NSL1: variants seen among roughly 807,000 people sequenced by gnomAD.
The protein encoded by NSL1 is NSL1 component of MIS12 kinetochore complex.
In NSL1, 11 loss-of-function variants were observed where a neutral mutation model predicts 25.4. The ratio of observed to expected loss-of-function variants is 0.43; its 90% CI spans 0.27 to 0.72. NSL1 has a LOEUF of 0.72. Among genes scored for constraint, NSL1 ranks in the 30% least tolerant of loss-of-function variants. The pLI is 0.19. For synonymous variants in NSL1, 118 were observed against 120.6 expected (o/e 0.98, Z 0.14); for missense variants, 330 against 342.7 (o/e 0.96, Z 0.29).
chr1:212,740,058 T>C (rs1289464889), intron 4 of NSL1, among the ~76,000 whole-genome samples: 1 of 152,204 alleles, frequency 6.6e-6, no homozygotes, highest in Non-Finnish European at 1.5e-5. Flanking sequence ...TACTTTCTCT[T>C]TCCTTACTTC....
Position 212,726,408 on chromosome 1 carries a change from C to T in NSL1, c.*12000G>A, listed in dbSNP as rs1213484753. 6.6e-6 allele frequency: 1 copy of T among 152,266 alleles called. No individual in the cohort carries two copies. Among genetic ancestry groups the T allele is most frequent in the Admixed American group, 6.5e-5 (1 of 15,282 alleles). The allele number at this position is 152,266 out of a possible 1,614,324, so 9.4% of individuals were successfully genotyped here. On this transcript the variant is annotated 3_prime_UTR_variant, in exon 6 of 6. Transcript: ENST00000366977. Reference sequence around the variant, plus strand: ...TTCAAACAGTTTTTGGGAGGTAACACTGTCCCTATGGGAAGACTTGGTATT... The same window carrying T: ...TTCAAACAGTTTTTGGGAGGTAACATTGTCCCTATGGGAAGACTTGGTATT...
chr1:212,790,722 A>G (rs1661177366), intron 1 of NSL1, among the ~76,000 whole-genome samples: 1 of 152,060 alleles, frequency 6.6e-6, no homozygotes, highest in Non-Finnish European at 1.5e-5. Context: ...GGAGATCGAG[A>G]CCATGCTGGC....
rs368687502 is a variant in NSL1 at position 212,730,732 on chromosome 1, C to A, written c.*7676G>T. ...GTCCTGCAGGGATATGGGAATTAGA[C>A]TTAGTTCTAGTAGACGTAGTTCTAG... On this transcript the variant is annotated 3_prime_UTR_variant, in exon 6 of 6. Coordinates refer to ENST00000366977, the MANE Select transcript of NSL1 (RefSeq NM_015471.4). 1.0e-6 allele frequency: 1 copy of A among 985,404 alleles called. No homozygotes were observed. The highest frequency in any genetic ancestry group is 6.1e-5 in the Admixed American group (1 of 16,280). 61.0% of individuals were successfully genotyped at this position (985,404 alleles called of 1,614,324 possible). A position where few individuals can be genotyped will look rare whatever the true frequency, so the allele number is the denominator to read the frequency against.
At chr1:212,778,997 C>T (rs1336446763) in intron 4 of NSL1, among the ~76,000 whole-genome samples, 1 of 145,312 alleles carries the variant, frequency 6.9e-6, no homozygotes, top group Non-Finnish European at 1.5e-5. Flanking sequence ...AAGTGAGGAG[C>T]GTCTCTGCCC....
intron 2 of NSL1, among the ~76,000 whole-genome samples, chr1:212,784,957 G>A (rs1003030832): frequency 3.9e-5 from 6 of 152,216 alleles, no homozygotes; most frequent in African/African-American, 1.2e-4. Flanking sequence ...GGAATAGGGA[G>A]AAGCATTTTA....
chr1:212,790,664 T>G (rs1387370532), intron 1 of NSL1, among the ~76,000 whole-genome samples: 2 of 152,136 alleles, frequency 1.3e-5, no homozygotes, highest in Non-Finnish European at 2.9e-5. Flanking sequence ...GGCTCACGCC[T>G]GTAATACCAG....
At chr1:212,763,155 T>A (rs2102456129) in intron 4 of NSL1, among the ~76,000 whole-genome samples, 1 of 152,304 alleles carries the variant, frequency 6.6e-6, no homozygotes, top group South Asian at 2.1e-4. Context: ...GTGAAAGAGC[T>A]GGGTGAGGCT....
chr1:212,749,339 GTTTTTTTTTTTT>G (rs10717383), intron 4 of NSL1, among the ~76,000 whole-genome samples: 1 of 76,954 alleles, frequency 1.3e-5, no homozygotes, highest in Non-Finnish European at 2.5e-5. Context: ...GTTTTATTGT[GTTTTTTTTTTTT>G]TTTTTTTTTT....
At chr1:212,741,491 G>A (rs965859633) in intron 4 of NSL1, among the ~76,000 whole-genome samples, 5 of 152,178 alleles carry the variant, frequency 3.3e-5, no homozygotes, top group African/African-American at 1.2e-4. Context: ...TAGTGAGTGA[G>A]TTCTCATGAG....
chr1:212,747,887 C>T (rs999747797), intron 4 of NSL1, among the ~76,000 whole-genome samples: 3 of 152,242 alleles, frequency 2.0e-5, no homozygotes, highest in East Asian at 1.9e-4. Context: ...ATCTCAGCCT[C>T]CTGAGTAGCT....
chr1:212,748,555 T>C (rs141397309), intron 4 of NSL1, among the ~76,000 whole-genome samples: 8 of 152,274 alleles, frequency 5.3e-5, no homozygotes, highest in Middle Eastern at 3.4e-3. Flanking sequence ...ATTCAAAACG[T>C]GGATGAATCT....
chr1:212,770,102 C>T (rs907571850), intron 4 of NSL1, among the ~76,000 whole-genome samples: 5 of 151,812 alleles, frequency 3.3e-5, no homozygotes, highest in African/African-American at 7.3e-5. Flanking sequence ...ACAAAGGAGG[C>T]CATTACATAA....
At chr1:212,785,089 G>A (rs977950692) in intron 2 of NSL1, among the ~76,000 whole-genome samples, 1 of 151,950 alleles carries the variant, frequency 6.6e-6, no homozygotes, top group Non-Finnish European at 1.5e-5. Flanking sequence ...GGCTGTAAAG[G>A]GTATTTAATA....
rs1658174457 is a variant in NSL1 at position 212,734,930 on chromosome 1, A to C, written c.*3478T>G. On this transcript the variant is annotated 3_prime_UTR_variant, in exon 6 of 6. Transcript: ENST00000366977. ...CTGAGTGTTTTCATTTCCTTTATCA[A>C]AAGAAGTAATAACAGTGATCATAGA... 6.6e-6 allele frequency among the ~76,000 whole-genome samples: 1 copy of C among 152,234 alleles called. No individual in the cohort carries two copies. Among genetic ancestry groups the C allele is most frequent in the Non-Finnish European group, 1.5e-5 (1 of 68,038 alleles).
chr1:212,764,890 A>AT (rs1334933759), intron 4 of NSL1, among the ~76,000 whole-genome samples: 2 of 141,932 alleles, frequency 1.4e-5, no homozygotes, highest in East Asian at 4.0e-4. Context: ...GAAAAAAAAA[A>AT]GAAACTGGAG....
chr1:212,777,364 C>T (rs1310589794), intron 4 of NSL1, among the ~76,000 whole-genome samples: 1 of 151,018 alleles, frequency 6.6e-6, no homozygotes, highest in East Asian at 1.9e-4. Flanking sequence ...GTGGCTTCAG[C>T]CTGCCTCAAA....
chr1:212,789,909 A>G (rs1420797750), intron 1 of NSL1, among the ~76,000 whole-genome samples: 1 of 152,260 alleles, frequency 6.6e-6, no homozygotes, highest in African/African-American at 2.4e-5. Context: ...GTCCTGAGAT[A>G]TATCCCTATT....
Position 212,731,882 on chromosome 1 carries a change from C to T in NSL1, c.*6526G>A. On this transcript the variant is annotated 3_prime_UTR_variant, in exon 6 of 6. Transcript: ENST00000366977. ...GCTGCTCCAGCTCCATGTCCTGGGA[C>T]ACCCTACCCTGCCCCAGGACCCAGC... 1.3e-5 allele frequency: 13 copies of T among 985,406 alleles called. No individual in the cohort carries two copies. Among genetic ancestry groups the T allele is most frequent in the Non-Finnish European group, 1.6e-5 (13 of 829,916 alleles). The allele number at this position is 985,406 out of a possible 1,614,324, so 61.0% of individuals were successfully genotyped here. A position where few individuals can be genotyped will look rare whatever the true frequency, so the allele number is the denominator to read the frequency against.
chr1:212,745,753 A>G (rs1658761690), intron 4 of NSL1, among the ~76,000 whole-genome samples: 1 of 152,188 alleles, frequency 6.6e-6, no homozygotes, highest in African/African-American at 2.4e-5. Flanking sequence ...ACTTGAGCCC[A>G]GGAGTTTGAG....
Sources: gnomAD v4.1 joint callset for allele counts (sites outside exome capture counted in the v4.1 genomes callset) on GRCh38, gnomAD v4.1.1 for gene constraint, MANE v1.5 for transcripts, NCBI Gene and HGNC (gene_info 2026-07-23, HGNC 2026-07-21) for gene names.